Variants in EIF3M observed in about 807,000 individuals in gnomAD.
EIF3M encodes the protein eukaryotic translation initiation factor 3 subunit M.
EIF3M carries 25 observed loss-of-function variants against 49.7 expected under a neutral mutation model. The observed-to-expected ratio is 0.50, with a 90% CI of 0.37 to 0.70. The LOEUF is 0.70. Ranked by LOEUF, EIF3M falls within the 30% of genes least tolerant of loss-of-function variation. EIF3M has a pLI of 0.00. For missense variants in EIF3M, 350 were observed against 440.0 expected (o/e 0.80, Z 1.83); for synonymous variants, 156 against 149.8 (o/e 1.04, Z -0.30).
At chr11:32,593,379 G>T (rs74912732) in intron 5 of EIF3M, among the ~76,000 whole-genome samples, 4,558 of 152,190 alleles carry the variant, frequency 0.03, 90 homozygotes, top group Non-Finnish European at 0.04. Context: ...TAAATATTTG[G>T]TATTGTCTCA....
rs12789734 is a variant in EIF3M, at chr11:32,603,374, T to C, written c.*975T>C. 14,565 of 173,744 alleles carry C rather than the reference T, an allele frequency of 0.084. 712 individuals are homozygous for C. Among genetic ancestry groups the C allele is most frequent in the South Asian group, 0.12 (594 of 5,164 alleles). The allele number at this position is 173,744 out of a possible 1,614,324, so 10.8% of individuals were successfully genotyped here. ...CTGTATTGGGTAATTTTAAAAATAG[T>C]GTGTTAAATAACTTTTTCATTTTAA... On this transcript the variant is annotated 3_prime_UTR_variant, in exon 11 of 11. Coordinates refer to ENST00000531120, the MANE Select transcript of EIF3M (RefSeq NM_006360.6).
chr11:32,594,781 T>A, intron 6 of EIF3M, 133 bp from the exon 7 acceptor site: 1 of 674,082 alleles, frequency 1.5e-6, no homozygotes, highest in Non-Finnish European at 2.4e-6. Flanking sequence ...ATCCTGTAGC[T>A]TTTTTAATGT....
At chr11:32,592,008 C>G (rs1240944809) in intron 5 of EIF3M, 4 of 248,694 alleles carry the variant, frequency 1.6e-5, no homozygotes, top group Non-Finnish European at 3.2e-5. Flanking sequence ...TCTACCACCA[C>G]CATACCCGCC....
In EIF3M at chr11:32,595,956, AT is replaced by A. The variant is rs1565049668; in HGVS notation, c.718-9del. ...ATTGATGGTATCTTTTTTGTCTCTT[AT>A]CTGTATAGCTTTTAACCATTTTTGT... On this transcript the variant is annotated splice_polypyrimidine_tract_variant and intron_variant, in intron 7 of 10. Coordinates refer to ENST00000531120, the MANE Select transcript of EIF3M (RefSeq NM_006360.6). 1 of 1,559,898 alleles carries A rather than the reference AT, an allele frequency of 6.4e-7. No individual in the cohort carries two copies. Among genetic ancestry groups the A allele is most frequent in the East Asian group, 2.4e-5 (1 of 41,556 alleles).
chr11:32,597,367 T>A (rs1190170655), intron 8 of EIF3M, among the ~76,000 whole-genome samples: 2 of 152,122 alleles, frequency 1.3e-5, no homozygotes, highest in Non-Finnish European at 2.9e-5. Flanking sequence ...TATGCTTGGA[T>A]ACCCCCGCCA....
intron 10 of EIF3M, 107 bp downstream of exon 10, chr11:32,601,929 T>C: frequency 8.7e-7 from 1 of 1,145,042 alleles, no homozygotes; most frequent in Non-Finnish European, 1.3e-6. Flanking sequence ...TTGACTGTAG[T>C]TAAATAGTTG....
intron 6 of EIF3M, chr11:32,594,174 G>C (rs555527964): frequency 1.1e-4 from 37 of 339,804 alleles, no homozygotes; most frequent in African/African-American, 1.7e-4. Flanking sequence ...CCTGGCGGGG[G>C]GGGTATTGCT....
chr11:32,600,026 T>C (rs762470382), intron 8 of EIF3M, among the ~76,000 whole-genome samples: 2 of 151,976 alleles, frequency 1.3e-5, no homozygotes, highest in African/African-American at 4.8e-5. Context: ...TTTTGTCTTA[T>C]AAAGAACAAG....
chr11:32,601,946 A>T lies in EIF3M; in HGVS notation c.1004+124A>T, dbSNP rs1368681381. The T allele has an allele frequency of 2.9e-6, 3 of 1,046,064 alleles. No individual in the cohort carries two copies. The African/African-American group carries it at 4.9e-5, about 17-fold the overall frequency. 64.8% of individuals were successfully genotyped at this position (1,046,064 alleles called of 1,614,324 possible). ...GACTGTAGTTAAATAGTTGCTATTTATCATAATTTTATTAAAGTTCAGACT... is the reference window on the plus strand; with the variant it reads ...GACTGTAGTTAAATAGTTGCTATTTTTCATAATTTTATTAAAGTTCAGACT... On this transcript the variant is annotated intron_variant, in intron 10 of 10. Coordinates refer to ENST00000531120, the MANE Select transcript of EIF3M (RefSeq NM_006360.6).
Position 32,605,404 on chromosome 11 carries a change from A to AT in EIF3M, c.*3008dup, listed in dbSNP as rs1855336386. 2 of 152,122 alleles carry AT rather than the reference A, an allele frequency of 1.3e-5. No individual in the cohort carries two copies. The highest frequency in any genetic ancestry group is 4.8e-5 in the African/African-American group (2 of 41,416). The allele number at this position is 152,122 out of a possible 1,614,324, so 9.4% of individuals were successfully genotyped here. A position where few individuals can be genotyped will look rare whatever the true frequency, so the allele number is the denominator to read the frequency against. ...ACTGCTAAGAGAACCTAGGCAAGTC[A>AT]TTTAATTTTTCTGGGCTTCAGTTTA... On this transcript the variant is annotated 3_prime_UTR_variant, in exon 11 of 11. Transcript: ENST00000531120.
intron 10 of EIF3M, 103 bp from the exon 11 acceptor site, chr11:32,602,176 A>C (rs1392247569): frequency 1.4e-6 from 2 of 1,438,334 alleles, no homozygotes. Context: ...TAAATTAGGT[A>C]TATTTAATCT....
At chr11:32,591,992 A>G (rs1006443689) in intron 5 of EIF3M, 3 of 252,142 alleles carry the variant, frequency 1.2e-5, no homozygotes, top group African/African-American at 2.3e-5. Context: ...CACTGCTGCC[A>G]CCATATCTAC....
At chr11:32,584,615 A>G (rs1230393213) in intron 1 of EIF3M, among the ~76,000 whole-genome samples, 1 of 151,116 alleles carries the variant, frequency 6.6e-6, no homozygotes, top group African/African-American at 2.4e-5. Flanking sequence ...CTCAAAAAAA[A>G]AAAAAAAAAA....
intron 5 of EIF3M, chr11:32,592,385 A>G (rs1254305714): frequency 3.6e-6 from 2 of 551,142 alleles, no homozygotes; most frequent in East Asian, 9.1e-5. Flanking sequence ...TGTGGTTTCA[A>G]TCTTGCGATA....
intron 1 of EIF3M, among the ~76,000 whole-genome samples, chr11:32,584,623 A>AAAAAAAAAAAAAAAAAAAT (rs1854965699): frequency 6.6e-6 from 1 of 151,202 alleles, no homozygotes; most frequent in African/African-American, 2.4e-5. Context: ...AAAAAAAAAA[A>AAAAAAAAAAAAAAAAAAAT]AAAAAGATCA....
At chr11:32,589,754 G>C (rs563526622) in intron 5 of EIF3M, 113 bp downstream of exon 5, 1 of 728,054 alleles carries the variant, frequency 1.4e-6, no homozygotes, top group South Asian at 2.1e-5. Context: ...TCTCCACAGA[G>C]TTGCTATAAA....
intron 2 of EIF3M, among the ~76,000 whole-genome samples, chr11:32,587,935 G>A (rs949291024): frequency 6.6e-6 from 1 of 152,162 alleles, no homozygotes; most frequent in Non-Finnish European, 1.5e-5. Context: ...AGAGCTGACA[G>A]CTTTAATTTC....
intron 8 of EIF3M, among the ~76,000 whole-genome samples, chr11:32,599,836 A>T (rs540403057): frequency 5.3e-5 from 8 of 151,876 alleles, no homozygotes; most frequent in African/African-American, 1.9e-4. Context: ...TTTTTTGACT[A>T]TAAGTCCCCA....
intron 5 of EIF3M, among the ~76,000 whole-genome samples, chr11:32,590,208 T>C (rs952293297): frequency 1.3e-5 from 2 of 152,214 alleles, no homozygotes; most frequent in Admixed American, 6.5e-5. Flanking sequence ...TAATATTTCA[T>C]GATATGTGGA....
Sources: allele counts gnomAD v4.1 joint callset (sites outside exome capture counted in the v4.1 genomes callset), GRCh38; gene constraint gnomAD v4.1.1; transcripts MANE v1.5; gene names NCBI Gene and HGNC (gene_info 2026-07-23, HGNC 2026-07-21).